The following RNF114 variants were observed in gnomAD, a reference collection of about 807,000 sequenced individuals.
The protein encoded by RNF114 is ring finger protein 114.
A neutral mutation model predicts 28.4 loss-of-function variants in RNF114; 6 were observed. That is an observed-to-expected ratio of 0.21 (90% CI 0.12 to 0.42). The LOEUF (loss-of-function observed/expected upper bound fraction) is 0.42, where lower values mean the gene tolerates loss of function less well. Ranked by LOEUF, RNF114 falls within the 10% of genes least tolerant of loss-of-function variation. The pLI is 1.00. For missense variants in RNF114, 249 were observed against 311.7 expected, an observed-to-expected ratio of 0.80 and a Z score of 1.51; for synonymous variants, 115 against 116.7, an observed-to-expected ratio of 0.99 and a Z score of 0.09.
chr20:49,953,770 C>A lies in RNF114; in HGVS notation c.*1629C>A, dbSNP rs1404900759. 6.6e-6 allele frequency: 1 copy of A among 152,058 alleles called. No homozygotes were observed. Among genetic ancestry groups the A allele is most frequent in the African/African-American group, 2.4e-5 (1 of 41,402 alleles). 9.4% of individuals were successfully genotyped at this position (152,058 alleles called of 1,614,324 possible). On this transcript the variant is annotated 3_prime_UTR_variant, in exon 6 of 6. Transcript: ENST00000244061. ...ACTGGTGGCACCGAGAAACTTACTT[C>A]CTTGTATTAAGTGCACTTCTTGTAT...
In RNF114 at chr20:49,952,198, C is replaced by T. The variant is rs568310726; in HGVS notation, c.*57C>T. On this transcript the variant is annotated 3_prime_UTR_variant, in exon 6 of 6. Coordinates refer to ENST00000244061, the MANE Select transcript of RNF114 (RefSeq NM_018683.4). The stretch of plus-strand genomic sequence containing the variant: ...TACAGAGCTTCCATTACATATTAAA[C>T]GTGAAATCTATGACTCCTGTACCTT... 3.7e-5 allele frequency: 54 copies of T among 1,468,544 alleles called. No homozygotes were observed. The highest frequency in any genetic ancestry group is 2.8e-4 in the African/African-American group (20 of 72,156). 91.0% of individuals were successfully genotyped at this position (1,468,544 alleles called of 1,614,324 possible). A position where few individuals can be genotyped will look rare whatever the true frequency, so the allele number is the denominator to read the frequency against.
intron 4 of RNF114, among the ~76,000 whole-genome samples, chr20:49,946,686 C>A (rs778196092): frequency 2.0e-5 from 3 of 151,950 alleles, no homozygotes; most frequent in Non-Finnish European, 4.4e-5. Context: ...GGATGGTACA[C>A]GAGTTCTCTG....
chr20:49,948,796 A>C (rs1036340649), intron 4 of RNF114, among the ~76,000 whole-genome samples: 6 of 152,070 alleles, frequency 3.9e-5, no homozygotes, highest in Non-Finnish European at 7.4e-5. Context: ...TCAAAAACCA[A>C]ATCAACCTTT....
At chr20:49,940,885 G>A (rs1322668963) in intron 1 of RNF114, among the ~76,000 whole-genome samples, 1 of 152,078 alleles carries the variant, frequency 6.6e-6, no homozygotes, top group African/African-American at 2.4e-5. Context: ...GGGATTACAG[G>A]CATCTGCCAC....
intron 2 of RNF114, among the ~76,000 whole-genome samples, chr20:49,943,681 C>T (rs1249953739): frequency 8.1e-4 from 67 of 83,132 alleles, no homozygotes; most frequent in African/African-American, 1.4e-3. Flanking sequence ...TTTTTTGAGA[C>T]GGAGTCTCAC....
At chr20:49,940,464 G>T (rs1188734152) in intron 1 of RNF114, among the ~76,000 whole-genome samples, 3 of 151,630 alleles carry the variant, frequency 2.0e-5, no homozygotes, top group Non-Finnish European at 2.9e-5. Context: ...AGGCTGGATG[G>T]AGTGCAGTGG....
At chr20:49,951,227 G>A (rs967940531) in intron 5 of RNF114, among the ~76,000 whole-genome samples, 7 of 151,810 alleles carry the variant, frequency 4.6e-5, no homozygotes, top group Non-Finnish European at 1.0e-4. Context: ...CAGTCTGACA[G>A]TGTCTGAAAC....
intron 5 of RNF114, among the ~76,000 whole-genome samples, chr20:49,949,878 C>A (rs1424524444): frequency 6.6e-6 from 1 of 151,664 alleles, no homozygotes; most frequent in Non-Finnish European, 1.5e-5. Context: ...CTCCTGACCT[C>A]GTGATCTGCC....
chr20:49,944,223 C>T (rs1227190786), intron 2 of RNF114: 1 of 152,016 alleles, frequency 6.6e-6, no homozygotes, highest in Non-Finnish European at 1.5e-5. Context: ...CATGTGTCAC[C>T]ACGCCTGCCT....
intron 4 of RNF114, among the ~76,000 whole-genome samples, chr20:49,947,991 C>T (rs997154283): frequency 1.5e-4 from 23 of 151,576 alleles, no homozygotes; most frequent in South Asian, 8.4e-4. Context: ...GGGGTTTCAC[C>T]GTGTTAGCCA....
chr20:49,946,177 C>G lies in RNF114; in HGVS notation c.440C>G (p.Pro147Arg), dbSNP rs150079671. The stretch of plus-strand genomic sequence containing the variant: ...TACACCTTTCCTTGTCCTTACTGTC[C>G]TGAGAAGAACTTTGATCAGGAAGGA... The part of the protein sequence containing the change: ...NRYTFPCPYC[P>R]EKNFDQEGLV... Residue 147 changes from proline to arginine, a missense_variant, in exon 4 of 6, where the codon CCT (proline) becomes CGT (arginine). By Grantham distance (103) the Pro-to-Arg change is moderately radical (BLOSUM62 -2). This residue lies in a region of RNF114 where 126 missense variants were observed against 205.3 expected (regional missense o/e 0.61). Transcript: ENST00000244061. The G allele has an allele frequency of 1.3e-5, 21 of 1,612,034 alleles. No homozygotes were observed. The highest frequency in any genetic ancestry group is 1.8e-5 in the Non-Finnish European group (21 of 1,178,954).
chr20:49,953,247 C>T lies in RNF114; in HGVS notation c.*1106C>T, dbSNP rs991073808. 1 of 152,154 alleles carries T rather than the reference C, an allele frequency of 6.6e-6. No individual in the cohort carries two copies. Among genetic ancestry groups the T allele is most frequent in the Non-Finnish European group, 1.5e-5 (1 of 68,032 alleles). 9.4% of individuals were successfully genotyped at this position (152,154 alleles called of 1,614,324 possible). ...TTCTGACGAGACATCGTTCATAAGG[C>T]ACAGCACATCGCAAGATGAACAGTT... On this transcript the variant is annotated 3_prime_UTR_variant, in exon 6 of 6. Transcript: ENST00000244061.
At chr20:49,936,723 C>T (rs2090288426) in intron 1 of RNF114, among the ~76,000 whole-genome samples, 171 bp downstream of exon 1, 1 of 151,682 alleles carries the variant, frequency 6.6e-6, no homozygotes, top group Non-Finnish European at 1.5e-5. Flanking sequence ...GCTCTTCTGT[C>T]CCGCCCCGCT....
rs752876339 is a variant in RNF114, at chr20:49,936,421, G to C, written c.9G>C (p.Ala3=). ...CGCAGAGCGGCAGCAAGATGGCGGC[G>C]CAACAGCGGGACTGCGGGGGTGCTG... MA[A]QQRDCGGAAQ... is the part of the protein sequence containing the mutation. Residue 3 remains alanine (A), a synonymous_variant, in exon 1 of 6, where the codon GCG becomes GCC. Coordinates refer to ENST00000244061, the MANE Select transcript of RNF114 (RefSeq NM_018683.4). 7.3e-6 allele frequency: 11 copies of C among 1,512,176 alleles called. No individual in the cohort carries two copies. In the African/African-American group the frequency reaches 1.6e-4, roughly 22 times the overall value. 93.7% of individuals were successfully genotyped at this position (1,512,176 alleles called of 1,614,324 possible). A position where few individuals can be genotyped will look rare whatever the true frequency, so the allele number is the denominator to read the frequency against.
chr20:49,938,876 C>G (rs1332111970), intron 1 of RNF114, among the ~76,000 whole-genome samples: 2 of 152,362 alleles, frequency 1.3e-5, no homozygotes, highest in African/African-American at 2.4e-5. Flanking sequence ...TCACTGGACC[C>G]TCTGTGCTCT....
intron 2 of RNF114, among the ~76,000 whole-genome samples, chr20:49,942,968 C>A (rs2090313566): frequency 6.6e-6 from 1 of 151,182 alleles, no homozygotes. Context: ...CAACTTTTTT[C>A]ACTTTTTTAA....
chr20:49,945,532 A>T, intron 3 of RNF114, 44 bp downstream of exon 3: 1 of 1,179,578 alleles, frequency 8.5e-7, no homozygotes, highest in Non-Finnish European at 1.2e-6. Context: ...ATCTCTTGCT[A>T]TTAATACAAA....
At chr20:49,950,499 G>T (rs2146860430) in intron 5 of RNF114, among the ~76,000 whole-genome samples, 1 of 151,876 alleles carries the variant, frequency 6.6e-6, no homozygotes, top group African/African-American at 2.4e-5. Flanking sequence ...TGGGCAACAT[G>T]GGAAAACCTT....
Position 49,936,463 on chromosome 20 carries a change from G to A in RNF114, c.51G>A (p.Pro17=), listed in dbSNP as rs753929179. 9.0e-6 allele frequency: 14 copies of A among 1,549,656 alleles called. No homozygotes were observed. In the South Asian group the frequency reaches 1.4e-4, roughly 16 times the overall value. ...GGGGTGCTGCGCAGCTGGCGGGGCCGGCGGCGGAGGCTGACCCCCTAGGAC... is the reference window on the plus strand; with the variant it reads ...GGGGTGCTGCGCAGCTGGCGGGGCCAGCGGCGGAGGCTGACCCCCTAGGAC... The part of the protein sequence containing the change: ...DCGGAAQLAG[P]AAEADPLGRF... The change falls in exon 1 of 6, where the codon CCG becomes CCA. Residue 17 remains proline (P), a synonymous_variant. Transcript: ENST00000244061.
Sources: gnomAD v4.1 joint callset for allele counts (sites outside exome capture counted in the v4.1 genomes callset) on GRCh38, gnomAD v4.1.1 for gene constraint, gnomAD v4.1.1 regional missense constraint, MANE v1.5 for transcripts, NCBI Gene and HGNC (gene_info 2026-07-23, HGNC 2026-07-21) for gene names.